The following STX6 variants were observed in gnomAD, a reference collection of about 807,000 sequenced individuals.
The protein encoded by STX6 is syntaxin 6.
STX6 carries 23 observed loss-of-function variants against 38.0 expected under a neutral mutation model. That is an observed-to-expected ratio of 0.60 (90% CI 0.43 to 0.86). The LOEUF is 0.86. STX6 is among the 40% of genes least tolerant of loss of function. The pLI, the probability that STX6 is intolerant of heterozygous loss-of-function variation, is 0.00. For synonymous variants in STX6, 123 were observed against 107.5 expected (o/e 1.14, Z -0.89); for missense variants, 274 against 312.9 (o/e 0.88, Z 0.94).
At chr1:181,022,598 C>T (rs1412332524) in intron 1 of STX6, 41 bp downstream of exon 1, 4 of 1,594,348 alleles carry the variant, frequency 2.5e-6, no homozygotes, top group African/African-American at 2.7e-5. Context: ...CAGGCAGCAC[C>T]GCCACCTCTT....
At chr1:180,995,783 G>A (rs1388556971) in intron 3 of STX6, among the ~76,000 whole-genome samples, 1 of 152,156 alleles carries the variant, frequency 6.6e-6, no homozygotes, top group Non-Finnish European at 1.5e-5. Flanking sequence ...ATATCAACAT[G>A]CAAGTATGGG....
intron 3 of STX6, among the ~76,000 whole-genome samples, chr1:180,998,063 G>C (rs1024437567): frequency 7.2e-5 from 11 of 152,172 alleles, no homozygotes; most frequent in African/African-American, 2.7e-4. Flanking sequence ...CAACTGCCCT[G>C]CATTGGGAGG....
At chr1:181,003,265 A>G (rs1656133693) in intron 2 of STX6, among the ~76,000 whole-genome samples, 1 of 152,042 alleles carries the variant, frequency 6.6e-6, no homozygotes. Context: ...TTATTACTTG[A>G]TTACCATCTG....
At chr1:180,984,974 T>G (rs1013692199) in intron 6 of STX6, among the ~76,000 whole-genome samples, 4 of 152,128 alleles carry the variant, frequency 2.6e-5, no homozygotes, top group Admixed American at 6.5e-5. Flanking sequence ...AAGCCTAAAT[T>G]ACATATCCTT....
chr1:180,974,233 A>T lies in STX6; in HGVS notation c.*2337T>A, dbSNP rs1207460303. ...GTCAGGGTGCAATGGGATCAGACAC[A>T]GGATCAAATCAGCCAGGGGCAGAAG... is the stretch of plus-strand genomic sequence containing the variant. On this transcript the variant is annotated 3_prime_UTR_variant, in exon 8 of 8. Transcript: ENST00000258301. 1 of 152,254 alleles carries T rather than the reference A, an allele frequency of 6.6e-6. No homozygotes were observed. Among genetic ancestry groups the T allele is most frequent in the African/African-American group, 2.4e-5 (1 of 41,460 alleles). The allele number at this position is 152,254 out of a possible 1,614,324, so 9.4% of individuals were successfully genotyped here. A position where few individuals can be genotyped will look rare whatever the true frequency, so the allele number is the denominator to read the frequency against.
intron 6 of STX6, among the ~76,000 whole-genome samples, chr1:180,985,486 C>T (rs554904388): frequency 6.6e-6 from 1 of 152,338 alleles, no homozygotes; most frequent in East Asian, 1.9e-4. Context: ...TAAGGCACTA[C>T]GTGCTTTATT....
intron 1 of STX6, among the ~76,000 whole-genome samples, chr1:181,012,832 G>A (rs1008780528): frequency 2.2e-4 from 34 of 151,710 alleles, no homozygotes; most frequent in Non-Finnish European, 3.1e-4. Flanking sequence ...GCACCACCAC[G>A]CCCGGCTAAT....
chr1:180,998,419 G>C (rs1438045252), intron 3 of STX6, among the ~76,000 whole-genome samples: 8 of 151,764 alleles, frequency 5.3e-5, no homozygotes, highest in African/African-American at 1.7e-4. Flanking sequence ...GTCTCACTCT[G>C]TCTCACAGGC....
At chr1:180,993,471 CA>C (rs773886462) in intron 3 of STX6, 46 bp from the exon 4 acceptor site, 113 of 1,118,780 alleles carry the variant, frequency 1.0e-4, no homozygotes, top group Middle Eastern at 2.2e-4. Flanking sequence ...TATCCTTAAA[CA>C]AAATCACAGT....
intron 7 of STX6, among the ~76,000 whole-genome samples, chr1:180,979,446 G>C (rs1274591896): frequency 2.6e-5 from 4 of 152,222 alleles, no homozygotes; most frequent in Non-Finnish European, 5.9e-5. Context: ...ACAGAGCAAA[G>C]AGAGTCTTTT....
At chr1:180,976,975 G>A (rs1037615584) in intron 7 of STX6, among the ~76,000 whole-genome samples, 4 of 152,206 alleles carry the variant, frequency 2.6e-5, no homozygotes, top group East Asian at 1.9e-4. Context: ...TGGCAATGGT[G>A]TTACAGATCA....
rs111505920 is a variant in STX6 at position 180,976,220 on chromosome 1, A to G, written c.*350T>C. 354 of 268,628 alleles carry G rather than the reference A, an allele frequency of 1.3e-3. No individual in the cohort carries two copies. The highest frequency in any genetic ancestry group is 0.01 in the Middle Eastern group (8 of 790). 16.6% of individuals were successfully genotyped at this position (268,628 alleles called of 1,614,324 possible). Reference sequence around the variant, plus strand: ...AGAAGAAAAGAGCTGCCAAAGATGCATGGAATGAGCAACAGCAAAACACCA... The same window carrying G: ...AGAAGAAAAGAGCTGCCAAAGATGCGTGGAATGAGCAACAGCAAAACACCA... On this transcript the variant is annotated 3_prime_UTR_variant, in exon 8 of 8. Coordinates refer to ENST00000258301, the MANE Select transcript of STX6 (RefSeq NM_005819.6).
At position 180,990,121 on chromosome 1, in the gene STX6, G is replaced by C. The variant is rs1462445722; in HGVS notation, c.364-12C>G. 6 of 1,613,910 alleles carry C rather than the reference G, an allele frequency of 3.7e-6. No homozygotes were observed. In the East Asian group the frequency reaches 6.7e-5, roughly 18 times the overall value. On this transcript the variant is annotated splice_polypyrimidine_tract_variant and intron_variant, in intron 4 of 7. Coordinates refer to ENST00000258301, the MANE Select transcript of STX6 (RefSeq NM_005819.6). ...TCTCCCAGCAGTGCCTGTGTGAGAA[G>C]AACAACCAGAGGAGTCAGGAGAAAC... is the stretch of plus-strand genomic sequence containing the variant.
chr1:180,995,232 AT>A (rs1228404884), intron 3 of STX6, among the ~76,000 whole-genome samples: 2 of 152,096 alleles, frequency 1.3e-5, no homozygotes, highest in African/African-American at 4.8e-5. Context: ...AAGTGCTGGG[AT>A]TACAGGCATG....
chr1:181,020,697 T>C lies in STX6; in HGVS notation c.35+1942A>G, dbSNP rs114215529. The stretch of plus-strand genomic sequence containing the variant: ...CCTAATCCTAACAATTCCCAAGGAG[T>C]TACCTTTCTCTGAACTCCTGAGGCA... On this transcript the variant is annotated intron_variant, in intron 1 of 7. Transcript: ENST00000258301. Among the ~76,000 whole-genome samples, 957 of 152,218 alleles carry C rather than the reference T, an allele frequency of 6.3e-3. 15 individuals carry two copies. Among genetic ancestry groups the C allele is most frequent in the African/African-American group, 0.022 (921 of 41,514 alleles).
chr1:181,020,560 A>G (rs1337831583), intron 1 of STX6, among the ~76,000 whole-genome samples: 1 of 152,226 alleles, frequency 6.6e-6, no homozygotes, highest in African/African-American at 2.4e-5. Flanking sequence ...AGCAGGAAGA[A>G]CAATTAAAAA....
intron 4 of STX6, among the ~76,000 whole-genome samples, chr1:180,992,092 T>A (rs1333059519): frequency 3.3e-5 from 5 of 151,974 alleles, no homozygotes; most frequent in Non-Finnish European, 5.9e-5. Flanking sequence ...CCACTTCCTA[T>A]AAGCTCAAGT....
chr1:181,012,010 T>C (rs1160136023), intron 1 of STX6, among the ~76,000 whole-genome samples: 5 of 152,230 alleles, frequency 3.3e-5, no homozygotes, highest in African/African-American at 7.2e-5. Context: ...GCTATTTTTT[T>C]CCTCAACTAT....
At chr1:180,999,763 A>G (rs933054871) in intron 3 of STX6, among the ~76,000 whole-genome samples, 1 of 152,206 alleles carries the variant, frequency 6.6e-6, no homozygotes, top group African/African-American at 2.4e-5. Context: ...GTCAATCAAA[A>G]TTTTGGAGCA....
Sources: gnomAD v4.1 joint callset for allele counts (sites outside exome capture counted in the v4.1 genomes callset) on GRCh38, gnomAD v4.1.1 for gene constraint, MANE v1.5 for transcripts, NCBI Gene and HGNC (gene_info 2026-07-23, HGNC 2026-07-21) for gene names.